LRRC69: variants seen among roughly 807,000 people sequenced by gnomAD.
LRRC69 encodes leucine-rich repeat-containing protein 69.
Under a neutral mutation model 37.8 loss-of-function variants are expected in LRRC69, and 42 were observed. The observed-to-expected ratio is 1.11, with a 90% confidence interval of 0.87 to 1.44. The LOEUF (loss-of-function observed/expected upper bound fraction) is 1.44, where lower values mean the gene tolerates loss of function less well. LRRC69 is among the 40% of genes most tolerant of loss of function. LRRC69 has a pLI of 0.00. For missense variants in LRRC69, 357 were observed against 401.9 expected (o/e 0.89, Z 0.96); for synonymous variants, 141 against 143.1 (o/e 0.99, Z 0.11).
intron 7 of LRRC69, among the ~76,000 whole-genome samples, chr8:91,205,741 A>G (rs1189040435): frequency 2.0e-5 from 3 of 152,184 alleles, no homozygotes; most frequent in Non-Finnish European, 4.4e-5. Context: ...CTTACTAGAC[A>G]TAACCATGTG....
intron 5 of LRRC69, among the ~76,000 whole-genome samples, chr8:91,139,879 A>G (rs1356190487): frequency 6.6e-6 from 1 of 151,582 alleles, no homozygotes; most frequent in African/African-American, 2.4e-5. Flanking sequence ...ACCTCAGGTC[A>G]GGAGTTCGCA....
intron 5 of LRRC69, among the ~76,000 whole-genome samples, chr8:91,167,418 C>G (rs1037347098): frequency 6.6e-6 from 1 of 151,638 alleles, no homozygotes; most frequent in East Asian, 2.0e-4. Context: ...ATTCAATATC[C>G]TTCCACTGGC....
chr8:91,119,798 G>T lies in LRRC69; in HGVS notation c.184-4695G>T, dbSNP rs569282487. Among the ~76,000 whole-genome samples, 56 of 151,918 alleles carry T rather than the reference G, an allele frequency of 3.7e-4. No homozygotes were observed. The Middle Eastern group carries it at 0.01, about 28-fold the overall frequency. On this transcript the variant is annotated intron_variant, in intron 1 of 7. Transcript: ENST00000448384. ...AGGAACTCTCTCATCTTTTCATCACGAATTCATCTACTTATCTGATCCTCA... is the reference window on the plus strand; with the variant it reads ...AGGAACTCTCTCATCTTTTCATCACTAATTCATCTACTTATCTGATCCTCA...
At chr8:91,165,318 G>C (rs563178557) in intron 5 of LRRC69, among the ~76,000 whole-genome samples, 10 of 151,760 alleles carry the variant, frequency 6.6e-5, no homozygotes, top group African/African-American at 2.4e-4. Flanking sequence ...ATTCCAAACA[G>C]AAGGCACTGG....
Position 91,113,865 on chromosome 8 carries a change from A to C in LRRC69, c.184-10628A>C, listed in dbSNP as rs1813455627. Among the ~76,000 whole-genome samples the C allele has an allele frequency of 4.6e-5, 7 of 151,444 alleles. No individual in the cohort carries two copies. In the South Asian group the frequency reaches 1.0e-3, roughly 23 times the overall value. On this transcript the variant is annotated intron_variant, in intron 1 of 7. Transcript: ENST00000448384. The stretch of plus-strand genomic sequence containing the variant: ...AACTCGTGCAACTCAATAGCAAGAA[A>C]CAAACAAACAAATAACCTGATTTAA...
chr8:91,211,015 C>T (rs536436997), intron 7 of LRRC69, among the ~76,000 whole-genome samples: 5 of 152,102 alleles, frequency 3.3e-5, no homozygotes, highest in Non-Finnish European at 7.4e-5. Context: ...GAGAGATCAC[C>T]TACAAAGCAG....
chr8:91,129,701 C>T (rs1216091858), intron 3 of LRRC69, among the ~76,000 whole-genome samples: 1 of 151,894 alleles, frequency 6.6e-6, no homozygotes, highest in East Asian at 1.9e-4. Flanking sequence ...ACTTCACTTC[C>T]TATTATCCTG....
intron 1 of LRRC69, among the ~76,000 whole-genome samples, chr8:91,120,307 T>G (rs979198575): frequency 2.0e-5 from 3 of 152,112 alleles, no homozygotes; most frequent in African/African-American, 7.2e-5. Flanking sequence ...ACTTTTTGTT[T>G]CTTTTGCTTT....
At chr8:91,191,050 C>T (rs796307239) in intron 6 of LRRC69, among the ~76,000 whole-genome samples, 44 of 143,058 alleles carry the variant, frequency 3.1e-4, no homozygotes, top group Admixed American at 7.6e-4. Flanking sequence ...AACCCCCCCC[C>T]CCCCAAGTCA....
chr8:91,108,209 G>T (rs1813353341), intron 1 of LRRC69, among the ~76,000 whole-genome samples: 1 of 152,038 alleles, frequency 6.6e-6, no homozygotes, highest in Non-Finnish European at 1.5e-5. Context: ...GATTTGAGTA[G>T]TTTATAAACT....
intron 1 of LRRC69, among the ~76,000 whole-genome samples, chr8:91,118,844 T>A (rs1813565195): frequency 6.6e-6 from 1 of 152,138 alleles, no homozygotes; most frequent in Admixed American, 6.5e-5. Flanking sequence ...TATCTGCTAT[T>A]TCTGCAGTTC....
At chr8:91,111,909 T>C (rs1377165405) in intron 1 of LRRC69, among the ~76,000 whole-genome samples, 4 of 151,594 alleles carry the variant, frequency 2.6e-5, no homozygotes, top group South Asian at 4.2e-4. Context: ...AAAATATATA[T>C]ACACAAGTCA....
At chr8:91,169,544 A>C (rs1392079126) in intron 5 of LRRC69, among the ~76,000 whole-genome samples, 2 of 151,612 alleles carry the variant, frequency 1.3e-5, no homozygotes, top group African/African-American at 4.8e-5. Context: ...ATTATACCTT[A>C]AGTTTTAGGG....
intron 5 of LRRC69, among the ~76,000 whole-genome samples, chr8:91,180,680 CAAA>C: frequency 6.6e-6 from 1 of 152,006 alleles, no homozygotes; most frequent in East Asian, 1.9e-4. Context: ...AGGCTGAGGG[CAAA>C]ACTTCAGAAA....
chr8:91,122,614 A>C (rs1411306218), intron 1 of LRRC69, among the ~76,000 whole-genome samples: 1 of 152,034 alleles, frequency 6.6e-6, no homozygotes, highest in African/African-American at 2.4e-5. Flanking sequence ...TGGCAGGTTC[A>C]CTTGTTAGCT....
chr8:91,209,746 AG>A (rs757041419), intron 7 of LRRC69, among the ~76,000 whole-genome samples: 20 of 152,254 alleles, frequency 1.3e-4, no homozygotes, highest in Non-Finnish European at 2.6e-4. Context: ...AATTTTTAAT[AG>A]AATTTTGTTA....
rs76765243 is a variant in LRRC69 at position 91,210,536 on chromosome 8, T to G, written c.934-8354T>G. ...GATAGATAGAACTTTCTTACAGGATTTTAAACACAGACACACACACACACA... is the reference window on the plus strand; with the variant it reads ...GATAGATAGAACTTTCTTACAGGATGTTAAACACAGACACACACACACACA... On this transcript the variant is annotated intron_variant, in intron 7 of 7. Transcript: ENST00000448384. Among the ~76,000 whole-genome samples the G allele has an allele frequency of 2.2e-5, 3 of 138,678 alleles. No individual in the cohort carries two copies. In the East Asian group the frequency reaches 6.1e-4, roughly 28 times the overall value. 91.0% of individuals were successfully genotyped at this position (138,678 alleles called of 152,430 possible).
At chr8:91,177,647 G>T (rs909164888) in intron 5 of LRRC69, among the ~76,000 whole-genome samples, 1 of 152,074 alleles carries the variant, frequency 6.6e-6, no homozygotes, top group African/African-American at 2.4e-5. Flanking sequence ...TATTTGGAAT[G>T]TGGAAAATTT....
intron 7 of LRRC69, among the ~76,000 whole-genome samples, chr8:91,206,372 G>A (rs1355151184): frequency 6.6e-6 from 1 of 152,184 alleles, no homozygotes; most frequent in Non-Finnish European, 1.5e-5. Flanking sequence ...AATACAAAGA[G>A]AAAAGACAGC....
Sources: gnomAD v4.1 joint callset for allele counts (sites outside exome capture counted in the v4.1 genomes callset) on GRCh38, gnomAD v4.1.1 for gene constraint, MANE v1.5 for transcripts, NCBI Gene and HGNC (gene_info 2026-07-23, HGNC 2026-07-21) for gene names.